The following PCLO variants were observed in gnomAD, a reference collection of about 807,000 sequenced individuals.
PCLO encodes piccolo presynaptic cytomatrix protein, also known as protein piccolo.
A neutral mutation model predicts 427.5 loss-of-function variants in PCLO; 82 were observed. The ratio of observed to expected loss-of-function variants is 0.19; its 90% CI spans 0.16 to 0.23. The LOEUF is 0.23. PCLO is among the 10% of genes least tolerant of loss of function. The pLI, the probability that PCLO is intolerant of heterozygous loss-of-function variation, is 1.00. For missense variants in PCLO, 6,239 were observed against 6,115.9 expected, an observed-to-expected ratio of 1.02 and a Z score of -0.67; for synonymous variants, 2,357 against 2,155.4, an observed-to-expected ratio of 1.09 and a Z score of -2.59.
At chr7:83,024,245 C>T (rs959284188) in intron 3 of PCLO, among the ~76,000 whole-genome samples, 4 of 152,124 alleles carry the variant, frequency 2.6e-5, no homozygotes, top group Non-Finnish European at 4.4e-5. Flanking sequence ...TCAGTGGGTG[C>T]GCGCACCATG....
At position 82,879,442 on chromosome 7, in the gene PCLO, T is replaced by C. The variant is rs2116043848; in HGVS notation, c.13549A>G (p.Ile4517Val). The C allele has an allele frequency of 6.2e-7, 1 of 1,601,402 alleles. No homozygotes were observed. Among genetic ancestry groups the C allele is most frequent in the South Asian group, 1.1e-5 (1 of 90,024 alleles). Reference protein sequence around the residue: ...TVSGNGLGIRIVGGKEIPGHS... With the variant: ...TVSGNGLGIRVVGGKEIPGHS... ...CCCGGGATTTCTTTACCACCCACAA[T>C]TCTAATTCCTAATCCATTACCTGTA... The change falls in exon 10 of 25, where the codon ATT (isoleucine) becomes GTT (valine). Residue 4517 changes from isoleucine (I) to valine (V), a missense_variant. Coordinates refer to ENST00000333891, the MANE Select transcript of PCLO (RefSeq NM_033026.6).
At chr7:83,147,798 T>C (rs1165141656) in intron 2 of PCLO, among the ~76,000 whole-genome samples, 1 of 152,192 alleles carries the variant, frequency 6.6e-6, no homozygotes, top group Non-Finnish European at 1.5e-5. Context: ...ATGTATGGCA[T>C]AAAAAGTAAA....
intron 3 of PCLO, among the ~76,000 whole-genome samples, chr7:83,044,398 C>T (rs1021471009): frequency 6.6e-6 from 1 of 152,118 alleles, no homozygotes; most frequent in African/African-American, 2.4e-5. Context: ...AACTAATAAA[C>T]AAATCTGAGC....
chr7:82,943,318 G>A (rs1795126263), intron 6 of PCLO, among the ~76,000 whole-genome samples: 1 of 152,078 alleles, frequency 6.6e-6, no homozygotes, highest in Non-Finnish European at 1.5e-5. Context: ...GGATGAAATA[G>A]CTTCAACAAT....
chr7:82,911,431 A>G (rs1794317703), intron 7 of PCLO, among the ~76,000 whole-genome samples: 1 of 151,278 alleles, frequency 6.6e-6, no homozygotes, highest in African/African-American at 2.5e-5. Flanking sequence ...TTTGAAGGAG[A>G]CTAACAGTAT....
Position 82,896,694 on chromosome 7 carries a change from T to A in PCLO, c.13528+5957A>T, listed in dbSNP as rs1335653020. On this transcript the variant is annotated intron_variant, in intron 9 of 24. Transcript: ENST00000333891. ...TAATAATAATAATAATATAAAGAGC[T>A]ATCCACATAGCTCTACTACTGCCAA... Among the ~76,000 whole-genome samples, 7 of 45,158 alleles carry A rather than the reference T, an allele frequency of 1.6e-4. No individual in the cohort carries two copies. The East Asian group carries it at 0.011, about 68-fold the overall frequency. 29.6% of individuals were successfully genotyped at this position (45,158 alleles called of 152,430 possible).
At chr7:82,861,173 G>A (rs895301800) in intron 10 of PCLO, among the ~76,000 whole-genome samples, 7 of 151,880 alleles carry the variant, frequency 4.6e-5, no homozygotes, top group Non-Finnish European at 8.8e-5. Context: ...CTGAATGGGT[G>A]AATAAACAAG....
chr7:83,056,131 A>G (rs1789372849), intron 3 of PCLO, among the ~76,000 whole-genome samples: 1 of 152,160 alleles, frequency 6.6e-6, no homozygotes, highest in African/African-American at 2.4e-5. Context: ...GTTTATTTAA[A>G]ATATAGGTTT....
intron 3 of PCLO, among the ~76,000 whole-genome samples, chr7:82,981,322 T>G (rs998634878): frequency 6.6e-6 from 1 of 151,590 alleles, no homozygotes; most frequent in African/African-American, 2.4e-5. Context: ...CCAGAGATTA[T>G]ATGCAAAAGA....
rs754293214 is a variant in PCLO at position 83,135,550 on chromosome 7, G to A, written c.2000C>T (p.Thr667Ile). The A allele has an allele frequency of 8.1e-6, 13 of 1,613,554 alleles. No individual in the cohort carries two copies. Among genetic ancestry groups the A allele is most frequent in the Non-Finnish European group, 1.1e-5 (13 of 1,179,732 alleles). ...PQPKLKTAPV[T>I]TTSAVSKSSP... Reference sequence around the variant, plus strand: ...TGATTTGCTCACTGCTGATGTAGTGGTAACAGGTGCAGTCTTCAGTTTGGG... The same window carrying A: ...TGATTTGCTCACTGCTGATGTAGTGATAACAGGTGCAGTCTTCAGTTTGGG... The change falls in exon 3 of 25, where the codon ACC becomes ATC. Residue 667 changes from threonine to isoleucine, a missense_variant. Transcript: ENST00000333891.
At chr7:83,079,888 C>A (rs116667609) in intron 3 of PCLO, among the ~76,000 whole-genome samples, 6 of 151,612 alleles carry the variant, frequency 4.0e-5, no homozygotes, top group East Asian at 1.9e-4. Context: ...CTCACCCCCC[C>A]ACAGACCCCA....
chr7:83,095,569 A>G (rs1250193328), intron 3 of PCLO, among the ~76,000 whole-genome samples: 2 of 151,944 alleles, frequency 1.3e-5, no homozygotes, highest in Non-Finnish European at 2.9e-5. Flanking sequence ...ACTTAGTGCT[A>G]TAAATTTTCC....
At chr7:83,018,057 A>C (rs1479477944) in intron 3 of PCLO, 1 of 152,030 alleles carries the variant, frequency 6.6e-6, no homozygotes, top group Admixed American at 6.6e-5. Flanking sequence ...CTAATAAATG[A>C]ATTAAATTTA....
chr7:82,855,699 C>T (rs1036053417), intron 10 of PCLO, among the ~76,000 whole-genome samples: 3 of 152,046 alleles, frequency 2.0e-5, no homozygotes, highest in Non-Finnish European at 4.4e-5. Flanking sequence ...TCTCTTATCC[C>T]TTTTCCCCAT....
At chr7:83,028,065 C>G (rs1210868915) in intron 3 of PCLO, among the ~76,000 whole-genome samples, 7 of 150,244 alleles carry the variant, frequency 4.7e-5, no homozygotes, top group Non-Finnish European at 1.0e-4. Context: ...GATGCCCTCT[C>G]TCACCACTCC....
chr7:83,003,040 G>T (rs1293526155), intron 3 of PCLO, among the ~76,000 whole-genome samples: 1 of 151,274 alleles, frequency 6.6e-6, no homozygotes, highest in Non-Finnish European at 1.5e-5. Flanking sequence ...ATATCTGAAA[G>T]ATCATATCTT....
chr7:82,976,181 T>C (rs1290971361), intron 3 of PCLO, among the ~76,000 whole-genome samples: 3 of 152,144 alleles, frequency 2.0e-5, no homozygotes, highest in Non-Finnish European at 4.4e-5. Context: ...ATTGTTTGGC[T>C]TGGGATAGGA....
At chr7:82,870,481 C>A (rs979146356) in intron 10 of PCLO, among the ~76,000 whole-genome samples, 4 of 151,812 alleles carry the variant, frequency 2.6e-5, no homozygotes, top group Non-Finnish European at 5.9e-5. Flanking sequence ...GCTTATGAAA[C>A]TACTAGAAGA....
chr7:83,132,930 A>G (rs1791610549), intron 3 of PCLO, among the ~76,000 whole-genome samples: 1 of 151,980 alleles, frequency 6.6e-6, no homozygotes, highest in Non-Finnish European at 1.5e-5. Context: ...TTACTTTTAC[A>G]TTGAATCCAA....
Sources: gnomAD v4.1 joint callset for allele counts (sites outside exome capture counted in the v4.1 genomes callset) on GRCh38, gnomAD v4.1.1 for gene constraint, MANE v1.5 for transcripts, NCBI Gene and HGNC (gene_info 2026-07-23, HGNC 2026-07-21) for gene names.